The following MAN2A1 variants were observed in gnomAD, a reference collection of about 807,000 sequenced individuals.
The protein encoded by MAN2A1 is alpha-mannosidase 2.
MAN2A1 carries 76 observed loss-of-function variants against 142.6 expected under a neutral mutation model. The observed-to-expected ratio is 0.53, with a 90% confidence interval of 0.44 to 0.65. The LOEUF (loss-of-function observed/expected upper bound fraction) is 0.65. Ranked by LOEUF, MAN2A1 falls within the 30% of genes least tolerant of loss-of-function variation. The pLI is 0.00. For missense variants in MAN2A1, 1,311 were observed against 1,365.1 expected (o/e 0.96, Z 0.62); for synonymous variants, 559 against 473.2 (o/e 1.18, Z -2.35).
At position 109,747,515 on chromosome 5, in the gene MAN2A1, A is replaced by G. The variant is rs75069264; in HGVS notation, c.708-7814A>G. Among the ~76,000 whole-genome samples the G allele has an allele frequency of 2.0e-5, 3 of 152,168 alleles. No individual in the cohort carries two copies. In the East Asian group the frequency reaches 5.8e-4, roughly 29 times the overall value. On this transcript the variant is annotated intron_variant, in intron 4 of 21. Coordinates refer to ENST00000261483, the MANE Select transcript of MAN2A1 (RefSeq NM_002372.4). The stretch of plus-strand genomic sequence containing the variant: ...AGATCTAGGTAATTTTTTAACTTTT[A>G]TCTTTGAAAACATCTGTTTGTATCC...
chr5:109,826,748 C>T (rs1019072116), intron 16 of MAN2A1, among the ~76,000 whole-genome samples: 1 of 152,182 alleles, frequency 6.6e-6, no homozygotes, highest in Admixed American at 6.5e-5. Flanking sequence ...GCTCTATCAG[C>T]GTTCACGCTG....
chr5:109,724,293 G>A (rs1751685521), intron 3 of MAN2A1, among the ~76,000 whole-genome samples: 1 of 152,062 alleles, frequency 6.6e-6, no homozygotes, highest in Non-Finnish European at 1.5e-5. Context: ...AGGGAAGGGG[G>A]AAAGGGTTGA....
intron 5 of MAN2A1, among the ~76,000 whole-genome samples, chr5:109,756,638 G>A (rs1752697478): frequency 6.6e-6 from 1 of 152,240 alleles, no homozygotes; most frequent in Non-Finnish European, 1.5e-5. Flanking sequence ...CCGTGTTGTT[G>A]TAGTGGTGCT....
chr5:109,783,686 G>T (rs1753520350), intron 9 of MAN2A1, among the ~76,000 whole-genome samples: 1 of 145,724 alleles, frequency 6.9e-6, no homozygotes, highest in Non-Finnish European at 1.5e-5. Flanking sequence ...CTTAAAACAT[G>T]TTTCGTGTAT....
intron 20 of MAN2A1, chr5:109,864,822 T>G (rs1755838733): frequency 1.9e-6 from 1 of 526,804 alleles, no homozygotes; most frequent in South Asian, 2.8e-5. Flanking sequence ...ACAAGGAACC[T>G]TAGAACATAA....
chr5:109,748,826 T>C (rs1752473214), intron 4 of MAN2A1, among the ~76,000 whole-genome samples: 2 of 151,932 alleles, frequency 1.3e-5, no homozygotes, highest in Non-Finnish European at 2.9e-5. Flanking sequence ...CTAATCTGTA[T>C]AGATATGTGT....
chr5:109,726,296 GT>G (rs1206561715), intron 3 of MAN2A1, among the ~76,000 whole-genome samples: 1 of 152,096 alleles, frequency 6.6e-6, no homozygotes, highest in African/African-American at 2.4e-5. Context: ...TACAATTGTA[GT>G]TTTTACAGTA....
chr5:109,810,274 G>C (rs2112711079), intron 12 of MAN2A1, among the ~76,000 whole-genome samples: 1 of 152,078 alleles, frequency 6.6e-6, no homozygotes, highest in South Asian at 2.1e-4. Flanking sequence ...TTGAGTACTA[G>C]ACAATTGTGC....
intron 4 of MAN2A1, among the ~76,000 whole-genome samples, chr5:109,731,543 G>A (rs1751912022): frequency 8.4e-6 from 1 of 119,450 alleles, no homozygotes; most frequent in Admixed American, 1.1e-4. Context: ...CCCAGAGTGT[G>A]ATGTTCCCCT....
chr5:109,786,955 G>T (rs1168696145), intron 10 of MAN2A1, among the ~76,000 whole-genome samples: 1 of 152,004 alleles, frequency 6.6e-6, no homozygotes, highest in Non-Finnish European at 1.5e-5. Flanking sequence ...TTTCTCCTCT[G>T]CCATAGTAGG....
chr5:109,854,050 A>G (rs936875471), intron 19 of MAN2A1: 1 of 152,144 alleles, frequency 6.6e-6, no homozygotes, highest in Non-Finnish European at 1.5e-5. Context: ...TAAGCTGTAT[A>G]TCTCTATAAA....
At chr5:109,748,999 C>A (rs914261343) in intron 4 of MAN2A1, among the ~76,000 whole-genome samples, 1 of 151,038 alleles carries the variant, frequency 6.6e-6, no homozygotes, top group East Asian at 1.9e-4. Context: ...TCATTGGGAG[C>A]TTCTGTGTTT....
chr5:109,826,293 A>T (rs1251001939), intron 16 of MAN2A1, among the ~76,000 whole-genome samples: 1 of 152,124 alleles, frequency 6.6e-6, no homozygotes, highest in Non-Finnish European at 1.5e-5. Flanking sequence ...ATAATAAATG[A>T]TGGATAAATA....
intron 5 of MAN2A1, among the ~76,000 whole-genome samples, chr5:109,760,425 A>G (rs932233397): frequency 1.3e-5 from 2 of 152,186 alleles, no homozygotes; most frequent in East Asian, 1.9e-4. Context: ...GCTACTGTGA[A>G]TAGTGCTGCA....
At chr5:109,864,958 C>T (rs1048492786) in intron 20 of MAN2A1, 78 bp from the exon 21 acceptor site, 24 of 976,858 alleles carry the variant, frequency 2.5e-5, no homozygotes, top group Admixed American at 2.3e-4. Flanking sequence ...ATGCTGACAT[C>T]GAGAGAGTGG....
chr5:109,781,205 C>A (rs1027281517), intron 8 of MAN2A1, among the ~76,000 whole-genome samples, 191 bp from the exon 9 acceptor site: 11 of 151,804 alleles, frequency 7.2e-5, no homozygotes, highest in Non-Finnish European at 1.5e-4. Context: ...TTAATTTGGG[C>A]CTTAATGTAA....
intron 5 of MAN2A1, among the ~76,000 whole-genome samples, chr5:109,764,591 A>T (rs1752940718): frequency 1.3e-5 from 2 of 152,176 alleles, no homozygotes; most frequent in Non-Finnish European, 2.9e-5. Flanking sequence ...TCAAAGTTTT[A>T]AAAAATATAG....
At chr5:109,737,168 A>G (rs1283756261) in intron 4 of MAN2A1, among the ~76,000 whole-genome samples, 1 of 137,800 alleles carries the variant, frequency 7.3e-6, no homozygotes, top group African/African-American at 2.8e-5. Context: ...GTCTCAGCTC[A>G]CTGCAACCTC....
intron 4 of MAN2A1, among the ~76,000 whole-genome samples, chr5:109,729,860 CTCACGCCTG>C (rs1751852316): frequency 6.6e-6 from 1 of 152,018 alleles, no homozygotes; most frequent in African/African-American, 2.4e-5. Context: ...CCAGGTGGTG[CTCACGCCTG>C]TAATTCCAAC....
Sources: gnomAD v4.1 joint callset for allele counts (sites outside exome capture counted in the v4.1 genomes callset) on GRCh38, gnomAD v4.1.1 for gene constraint, MANE v1.5 for transcripts, NCBI Gene and HGNC (gene_info 2026-07-23, HGNC 2026-07-21) for gene names.